The following THBS4 variants were observed in gnomAD, a reference collection of about 807,000 sequenced individuals.
THBS4 encodes the protein thrombospondin-4.
A neutral mutation model predicts 115.7 loss-of-function variants in THBS4; 90 were observed. The ratio of observed to expected loss-of-function variants is 0.78; its 90% CI spans 0.66 to 0.93. The LOEUF is 0.93. THBS4 is among the 40% of genes least tolerant of loss of function. The probability of loss-of-function intolerance (pLI) is 0.00; values close to 1 mark genes in which losing one functional copy is unlikely to be tolerated. For missense variants in THBS4, 1,087 were observed against 1,232.7 expected (o/e 0.88, Z 1.77); for synonymous variants, 460 against 479.3 (o/e 0.96, Z 0.53).
intron 7 of THBS4, 124 bp downstream of exon 7, chr5:80,060,029 C>G: frequency 2.2e-6 from 2 of 900,646 alleles, no homozygotes; most frequent in Non-Finnish European, 3.4e-6. Flanking sequence ...TCCATTGAAA[C>G]CACTTGCTTG....
At chr5:80,058,438 A>C in intron 4 of THBS4, 124 bp downstream of exon 4, 1 of 707,324 alleles carries the variant, frequency 1.4e-6, no homozygotes, top group Non-Finnish European at 2.3e-6. Context: ...CGTATCTATG[A>C]AAATCAGTCT....
intron 3 of THBS4, among the ~76,000 whole-genome samples, chr5:80,057,164 C>T (rs189366926): frequency 2.8e-4 from 43 of 152,206 alleles, no homozygotes; most frequent in Admixed American, 2.6e-3. Context: ...CCCATAGTAG[C>T]GCATGTAATC....
At position 80,057,294 on chromosome 5, in the gene THBS4, T is replaced by G. The variant is rs77201450; in HGVS notation, c.541-912T>G. On this transcript the variant is annotated intron_variant, in intron 3 of 21. Transcript: ENST00000350881. ...CAAAGTCATCAGAAACTGTACTTACTGGAATTTTCTCAGAAGCTCTACCTC... is the reference window on the plus strand; with the variant it reads ...CAAAGTCATCAGAAACTGTACTTACGGGAATTTTCTCAGAAGCTCTACCTC... Among the ~76,000 whole-genome samples, 15 of 152,270 alleles carry G rather than the reference T, an allele frequency of 9.9e-5. 1 individual carries two copies. The East Asian group carries it at 2.9e-3, about 29-fold the overall frequency.
intron 2 of THBS4, among the ~76,000 whole-genome samples, chr5:80,014,551 A>G (rs944989575): frequency 3.9e-5 from 6 of 152,200 alleles, no homozygotes; most frequent in Non-Finnish European, 8.8e-5. Flanking sequence ...CTCGAGCCCA[A>G]GGATGTGGTG....
chr5:79,996,243 T>A (rs1470353125), intron 1 of THBS4, among the ~76,000 whole-genome samples: 1 of 152,200 alleles, frequency 6.6e-6, no homozygotes, highest in Non-Finnish European at 1.5e-5. Context: ...TAAATTAGTA[T>A]TAAGGCGATA....
At chr5:80,080,542 T>C (rs1244256003) in intron 20 of THBS4, among the ~76,000 whole-genome samples, 27 of 146,782 alleles carry the variant, frequency 1.8e-4, no homozygotes, top group Non-Finnish European at 1.5e-5. Context: ...CTGTCTTCCC[T>C]GCTGGATCAC....
At chr5:80,001,790 T>G (rs1205655498) in intron 2 of THBS4, among the ~76,000 whole-genome samples, 2 of 152,130 alleles carry the variant, frequency 1.3e-5, no homozygotes, top group African/African-American at 2.4e-5. Flanking sequence ...AGAGGCCTAT[T>G]TACCCACACA....
chr5:80,045,343 T>A (rs1370843583), intron 2 of THBS4, among the ~76,000 whole-genome samples: 1 of 151,964 alleles, frequency 6.6e-6, no homozygotes, highest in Non-Finnish European at 1.5e-5. Flanking sequence ...GACCAGAGAG[T>A]GTCAGTGAAA....
At chr5:79,999,420 T>G (rs12054697) in intron 2 of THBS4, among the ~76,000 whole-genome samples, 57,381 of 152,022 alleles carry the variant, frequency 0.38, 11,065 homozygotes, top group South Asian at 0.5. Context: ...AATAGTAAAT[T>G]CACATGCCTC....
chr5:80,061,766 C>T lies in THBS4; in HGVS notation c.1059C>T (p.Cys353=), dbSNP rs983021260. 7 of 1,613,970 alleles carry T rather than the reference C, an allele frequency of 4.3e-6. No homozygotes were observed. Among genetic ancestry groups the T allele is most frequent in the Admixed American group, 1.7e-5 (1 of 60,002 alleles). ...NLSPGFRCDA[C]PVGFTGPMVQ... is the part of the protein sequence containing the mutation. ...CTCCTGGCTTCAGATGTGACGCCTG[C>T]CCAGTGGGCTTCACAGGGCCCATGG... The change falls in exon 8 of 22, where the codon TGC becomes TGT. Residue 353 remains cysteine, a synonymous_variant. Transcript: ENST00000350881.
intron 2 of THBS4, among the ~76,000 whole-genome samples, chr5:80,000,419 A>C (rs539030773): frequency 6.1e-4 from 93 of 152,054 alleles, no homozygotes; most frequent in African/African-American, 2.2e-3. Context: ...CTCTCTTTCC[A>C]TTGCATTTTC....
intron 20 of THBS4, among the ~76,000 whole-genome samples, chr5:80,080,433 G>T (rs2112173663): frequency 6.6e-6 from 1 of 152,036 alleles, no homozygotes; most frequent in South Asian, 2.1e-4. Context: ...GTGTGGCAGG[G>T]TCTCTTCTCC....
chr5:80,066,298 G>A (rs932034064), intron 9 of THBS4: 1 of 152,168 alleles, frequency 6.6e-6, no homozygotes, highest in South Asian at 2.1e-4. Context: ...CTATTTGAAA[G>A]TTATCCAGCC....
intron 20 of THBS4, among the ~76,000 whole-genome samples, chr5:80,080,795 C>T (rs747272679): frequency 2.0e-5 from 3 of 151,922 alleles, no homozygotes; most frequent in Non-Finnish European, 2.9e-5. Flanking sequence ...CCATGCTGGC[C>T]AGGCTGGTCT....
intron 2 of THBS4, among the ~76,000 whole-genome samples, chr5:80,007,958 T>C (rs1247956089): frequency 2.0e-5 from 3 of 152,224 alleles, no homozygotes; most frequent in East Asian, 3.8e-4. Flanking sequence ...TGAAAGACCC[T>C]GATTTGTGTA....
rs1384372837 is a variant in THBS4 at position 80,078,947 on chromosome 5, C to A, written c.2292C>A (p.Asn764Lys). Residue 764 changes from asparagine (N) to lysine (K), a missense_variant, in exon 18 of 22, where the codon AAC (asparagine) becomes AAA (lysine). Transcript: ENST00000350881. ...NQGMEIVQTM[N>K]SDPGLAVGYT... ...GCATGGAGATTGTACAGACCATGAA[C>A]AGTGATCCTGGCCTGGCAGTGGGTA... is the stretch of plus-strand genomic sequence containing the variant. 6.2e-7 allele frequency: 1 copy of A among 1,614,162 alleles called. No homozygotes were observed. The highest frequency in any genetic ancestry group is 1.1e-5 in the South Asian group (1 of 91,076).
At chr5:80,024,492 G>A (rs975481581) in intron 2 of THBS4, among the ~76,000 whole-genome samples, 67 of 152,254 alleles carry the variant, frequency 4.4e-4, no homozygotes, top group African/African-American at 1.6e-3. Context: ...AGGAAAGTAA[G>A]ACACCACTCC....
intron 2 of THBS4, among the ~76,000 whole-genome samples, chr5:80,043,048 C>T (rs1469674880): frequency 6.6e-6 from 1 of 152,124 alleles, no homozygotes; most frequent in South Asian, 2.1e-4. Flanking sequence ...TCCCTACCCT[C>T]CAACCTATTA....
chr5:80,004,520 T>C (rs1040196651), intron 2 of THBS4, among the ~76,000 whole-genome samples: 49 of 152,104 alleles, frequency 3.2e-4, no homozygotes, highest in Admixed American at 2.9e-3. Flanking sequence ...GGCCTACGGG[T>C]TTGATTTAGA....
Sources: allele counts gnomAD v4.1 joint callset (sites outside exome capture counted in the v4.1 genomes callset), GRCh38; gene constraint gnomAD v4.1.1; transcripts MANE v1.5; gene names NCBI Gene and HGNC (gene_info 2026-07-23, HGNC 2026-07-21).